GOLM2: variants seen among roughly 807,000 people sequenced by gnomAD.
GOLM2 encodes the protein protein GOLM2.
Under a neutral mutation model 55.9 loss-of-function variants are expected in GOLM2, and 26 were observed. The ratio of observed to expected loss-of-function variants is 0.47; its 90% CI spans 0.34 to 0.65. GOLM2 has a LOEUF of 0.65. Among genes scored for constraint, GOLM2 ranks in the 30% least tolerant of loss-of-function variants. The pLI is 0.01. For missense variants in GOLM2, 486 were observed against 531.8 expected (o/e 0.91, Z 0.85); for synonymous variants, 165 against 194.6 (o/e 0.85, Z 1.27).
At chr15:44,315,707 T>A (rs1271087408) in intron 1 of GOLM2, among the ~76,000 whole-genome samples, 1 of 152,074 alleles carries the variant, frequency 6.6e-6, no homozygotes, top group Non-Finnish European at 1.5e-5. Context: ...AGTAAACACA[T>A]TTTAAGAGAT....
intron 6 of GOLM2, among the ~76,000 whole-genome samples, chr15:44,349,504 G>A (rs1172399604): frequency 6.6e-6 from 1 of 152,118 alleles, no homozygotes; most frequent in Non-Finnish European, 1.5e-5. Flanking sequence ...GCAAATATTA[G>A]AGCTAAAGAG....
At chr15:44,373,797 A>G (rs2079346287) in intron 6 of GOLM2, among the ~76,000 whole-genome samples, 1 of 152,020 alleles carries the variant, frequency 6.6e-6, no homozygotes, top group Non-Finnish European at 1.5e-5. Context: ...GGCATATAGT[A>G]GATACTAAAT....
intron 6 of GOLM2, among the ~76,000 whole-genome samples, chr15:44,346,955 A>G (rs1191094152): frequency 6.6e-6 from 1 of 151,834 alleles, no homozygotes; most frequent in Non-Finnish European, 1.5e-5. Context: ...ACAAGACCTC[A>G]TATCTTAGGA....
intron 6 of GOLM2, among the ~76,000 whole-genome samples, chr15:44,347,907 A>AC (rs1490810396): frequency 1.3e-5 from 2 of 152,010 alleles, no homozygotes; most frequent in Non-Finnish European, 1.5e-5. Flanking sequence ...GAGTTGTGAG[A>AC]CCCCTATTCC....
At chr15:44,412,119 A>G (rs1315269803) in intron 9 of GOLM2, among the ~76,000 whole-genome samples, 1 of 152,162 alleles carries the variant, frequency 6.6e-6, no homozygotes, top group Admixed American at 6.6e-5. Context: ...GTGAGCCATG[A>G]TAATACCACT....
chr15:44,369,420 A>G (rs2141183864), intron 6 of GOLM2, among the ~76,000 whole-genome samples: 1 of 151,516 alleles, frequency 6.6e-6, no homozygotes, highest in East Asian at 1.9e-4. Flanking sequence ...TGACATTTAT[A>G]TTATGTTCTA....
intron 6 of GOLM2, among the ~76,000 whole-genome samples, chr15:44,364,571 T>C (rs2079270117): frequency 6.6e-6 from 1 of 151,294 alleles, no homozygotes; most frequent in Admixed American, 6.6e-5. Flanking sequence ...GGACCATGCC[T>C]GTGTTCCCAG....
chr15:44,337,674 T>G (rs2079066054), intron 4 of GOLM2, 89 bp from the exon 5 acceptor site: 1 of 902,984 alleles, frequency 1.1e-6, no homozygotes, highest in Non-Finnish European at 1.6e-6. Flanking sequence ...TTTTACAAGA[T>G]GAACTGTTTC....
chr15:44,397,050 AG>A (rs1161603734), intron 8 of GOLM2, among the ~76,000 whole-genome samples: 2 of 152,210 alleles, frequency 1.3e-5, no homozygotes, highest in Non-Finnish European at 2.9e-5. Flanking sequence ...TAGGATCCAA[AG>A]TAAATATAAT....
At chr15:44,408,507 T>C (rs774156470) in intron 9 of GOLM2, among the ~76,000 whole-genome samples, 22 of 152,220 alleles carry the variant, frequency 1.4e-4, no homozygotes, top group Admixed American at 2.6e-4. Flanking sequence ...TCATGTATAT[T>C]ATTTTGAGGT....
intron 4 of GOLM2, among the ~76,000 whole-genome samples, chr15:44,332,436 A>G (rs576287852): frequency 1.2e-4 from 19 of 152,182 alleles, no homozygotes; most frequent in African/African-American, 4.3e-4. Flanking sequence ...GTATGCCTGT[A>G]ATCTCAGCTA....
chr15:44,329,230 C>G (rs1423326657), intron 3 of GOLM2, among the ~76,000 whole-genome samples: 2 of 152,202 alleles, frequency 1.3e-5, no homozygotes, highest in East Asian at 3.8e-4. Flanking sequence ...TACCTCTACA[C>G]TTGGTGATGA....
rs1335973995 is a variant in GOLM2, at chr15:44,381,825, A to C, written c.1072+849A>C. On this transcript the variant is annotated intron_variant, in intron 8 of 9. Coordinates refer to ENST00000299957, the MANE Select transcript of GOLM2 (RefSeq NM_138423.4). ...TTATTTTATTTCTTTATTTTTATTT[A>C]TTTATTTTTAGAGACGGGGGTCTCG... is the stretch of plus-strand genomic sequence containing the variant. 3.9e-5 allele frequency among the ~76,000 whole-genome samples: 6 copies of C among 151,964 alleles called. No individual in the cohort carries two copies. The East Asian group carries it at 1.2e-3, about 29-fold the overall frequency.
chr15:44,330,003 C>T (rs1425822230), intron 3 of GOLM2, among the ~76,000 whole-genome samples: 4 of 150,074 alleles, frequency 2.7e-5, no homozygotes, highest in Middle Eastern at 3.4e-3. Context: ...CTCTGCCTCC[C>T]GGGTTCACAC....
intron 6 of GOLM2, among the ~76,000 whole-genome samples, chr15:44,375,345 T>C (rs2079357703): frequency 6.6e-6 from 1 of 152,200 alleles, no homozygotes; most frequent in African/African-American, 2.4e-5. Context: ...TCAATCATTG[T>C]CATGATATTG....
Position 44,295,917 on chromosome 15 carries a change from TACAC to T in GOLM2, c.327+6589_327+6592del, listed in dbSNP as rs71421830. ...TAGAACAAGGGAGATCCACCACACA[TACAC>T]ACACACACACACACACACACACACA... On this transcript the variant is annotated intron_variant, in intron 1 of 9. Transcript: ENST00000299957. Among the ~76,000 whole-genome samples, 109 of 143,100 alleles carry T rather than the reference TACAC, an allele frequency of 7.6e-4. No homozygotes were observed. The South Asian group carries it at 0.011, about 15-fold the overall frequency. 93.9% of individuals were successfully genotyped at this position (143,100 alleles called of 152,430 possible).
chr15:44,371,239 C>T (rs1309165414), intron 6 of GOLM2, among the ~76,000 whole-genome samples: 1 of 152,182 alleles, frequency 6.6e-6, no homozygotes, highest in Non-Finnish European at 1.5e-5. Flanking sequence ...TTTTAAGGAC[C>T]ATGGTCTTGT....
intron 6 of GOLM2, among the ~76,000 whole-genome samples, chr15:44,349,129 C>T (rs1345621309): frequency 1.3e-5 from 2 of 151,694 alleles, no homozygotes; most frequent in African/African-American, 4.8e-5. Context: ...CGTGGTGGTG[C>T]ATGCCTGTAA....
At position 44,407,365 on chromosome 15, in the gene GOLM2, A is replaced by G. The variant is rs556170619; in HGVS notation, c.1240+4311A>G. 4.4e-3 allele frequency among the ~76,000 whole-genome samples: 671 copies of G among 151,350 alleles called. 3 individuals are homozygous for G. The highest frequency in any genetic ancestry group is 0.015 in the African/African-American group (638 of 41,324). On this transcript the variant is annotated intron_variant, in intron 9 of 9. Transcript: ENST00000299957. Reference sequence around the variant, plus strand: ...ACTGCAGCCTCGACCTCCTGGGGTCAAGTGATCCTCCCACCTCAGCCTCCT... The same window carrying G: ...ACTGCAGCCTCGACCTCCTGGGGTCGAGTGATCCTCCCACCTCAGCCTCCT...
Sources: allele counts gnomAD v4.1 joint callset (sites outside exome capture counted in the v4.1 genomes callset), GRCh38; gene constraint gnomAD v4.1.1; transcripts MANE v1.5; gene names NCBI Gene and HGNC (gene_info 2026-07-23, HGNC 2026-07-21).